The following SDK1 variants were observed in gnomAD, a reference collection of about 807,000 sequenced individuals.
SDK1 encodes sidekick cell adhesion molecule 1, also known as protein sidekick-1.
SDK1 carries 157 observed loss-of-function variants against 245.5 expected under a neutral mutation model. That is an observed-to-expected ratio of 0.64 (90% confidence interval 0.56 to 0.73). The LOEUF is 0.73. Ranked by LOEUF, SDK1 falls within the 30% of genes least tolerant of loss-of-function variation. The pLI, the probability that SDK1 is intolerant of heterozygous loss-of-function variation, is 0.00. For synonymous variants in SDK1, 1,647 were observed against 1,278.5 expected, an observed-to-expected ratio of 1.29 and a Z score of -6.15; for missense variants, 3,583 against 3,002.3, an observed-to-expected ratio of 1.19 and a Z score of -4.52.
At chr7:3,472,538 C>G (rs938886894) in intron 1 of SDK1, among the ~76,000 whole-genome samples, 1 of 152,074 alleles carries the variant, frequency 6.6e-6, no homozygotes, top group Non-Finnish European at 1.5e-5. Context: ...ATGGGTGTAT[C>G]TTAATAGAAT....
intron 35 of SDK1, among the ~76,000 whole-genome samples, chr7:4,202,841 A>C (rs903341958): frequency 3.3e-5 from 5 of 152,136 alleles, no homozygotes; most frequent in African/African-American, 9.7e-5. Flanking sequence ...CTAAACCCTG[A>C]GGTGAGGGGG....
Position 3,952,407 on chromosome 7 carries a change from C to T in SDK1, c.1150+487C>T, listed in dbSNP as rs540485692. Among the ~76,000 whole-genome samples the T allele has an allele frequency of 5.3e-5, 8 of 152,172 alleles. No individual in the cohort carries two copies. In the East Asian group the frequency reaches 1.4e-3, roughly 26 times the overall value. On this transcript the variant is annotated intron_variant, in intron 7 of 44. Coordinates refer to ENST00000404826, the MANE Select transcript of SDK1 (RefSeq NM_152744.4). Reference sequence around the variant, plus strand: ...CAGCCTGGCCAACATGGTGAAATCCCGCCCGTCTCTACTAAAAATACAAAC... The same window carrying T: ...CAGCCTGGCCAACATGGTGAAATCCTGCCCGTCTCTACTAAAAATACAAAC...
rs376897506 is a variant in SDK1, at chr7:3,972,241, G to A, written c.1817+673G>A. ...ACTACAAGTGCCTGCCACCACTCCC[G>A]GCTATTTTTTTGTATTTTTAGTAGA... On this transcript the variant is annotated intron_variant, in intron 12 of 44. Transcript: ENST00000404826. Among the ~76,000 whole-genome samples the A allele has an allele frequency of 1.3e-3, 204 of 151,994 alleles. 3 individuals carry two copies. In the South Asian group the frequency reaches 0.017, roughly 13 times the overall value.
Position 3,969,253 on chromosome 7 carries a change from T to G in SDK1, c.1547-4T>G, listed in dbSNP as rs1188328706. On this transcript the variant is annotated splice_region_variant and splice_polypyrimidine_tract_variant and intron_variant, in intron 10 of 44. Coordinates refer to ENST00000404826, the MANE Select transcript of SDK1 (RefSeq NM_152744.4). ...ACATGCCTCTTTTCTCCACTGTTCT[T>G]TAGAAAACCACATTCTGGCCAGTGG... 1.3e-6 allele frequency: 2 copies of G among 1,591,728 alleles called. No homozygotes were observed. The highest frequency in any genetic ancestry group is 1.3e-5 in the African/African-American group (1 of 74,204).
intron 1 of SDK1, among the ~76,000 whole-genome samples, chr7:3,502,230 TTTAA>T (rs917433938): frequency 5.1e-4 from 78 of 151,930 alleles, no homozygotes; most frequent in African/African-American, 1.5e-3. Flanking sequence ...AAGATTTTTT[TTTAA>T]TTAATTAATT....
At chr7:3,693,763 C>T (rs1341868240) in intron 4 of SDK1, among the ~76,000 whole-genome samples, 2 of 152,150 alleles carry the variant, frequency 1.3e-5, no homozygotes, top group African/African-American at 2.4e-5. Context: ...GTTATAGCCT[C>T]TAGATTCTGG....
chr7:3,400,324 A>G (rs1778855796), intron 1 of SDK1, among the ~76,000 whole-genome samples: 1 of 152,148 alleles, frequency 6.6e-6, no homozygotes, highest in East Asian at 1.9e-4. Context: ...AGAATTTTCA[A>G]AAAAGTTGAT....
intron 20 of SDK1, among the ~76,000 whole-genome samples, chr7:4,075,132 C>T (rs1780576204): frequency 6.6e-6 from 1 of 151,526 alleles, no homozygotes; most frequent in African/African-American, 2.4e-5. Flanking sequence ...CAGGCAGCAC[C>T]ACTTGGTGAC....
intron 1 of SDK1, among the ~76,000 whole-genome samples, chr7:3,527,605 AGATGAGGTTGGATGATAGTCAGCTAGGG>A (rs1783187368): frequency 6.6e-6 from 1 of 152,004 alleles, no homozygotes; most frequent in African/African-American, 2.4e-5. Flanking sequence ...GAGTGGTAGG[AGATGAGGTTGGATGATAGTCAGCTAGGG>A]GGTGAGTGGT....
intron 4 of SDK1, among the ~76,000 whole-genome samples, chr7:3,701,554 G>C (rs1327291747): frequency 6.6e-6 from 1 of 152,074 alleles, no homozygotes; most frequent in Non-Finnish European, 1.5e-5. Flanking sequence ...AGCTATGATC[G>C]TGCTACAGTG....
intron 4 of SDK1, among the ~76,000 whole-genome samples, chr7:3,733,285 A>G (rs1468993600): frequency 6.6e-6 from 1 of 152,232 alleles, no homozygotes; most frequent in Admixed American, 6.5e-5. Flanking sequence ...TTGCAGGATG[A>G]CATGGAAACA....
chr7:4,225,682 A>G (rs904842136), intron 40 of SDK1, among the ~76,000 whole-genome samples: 9 of 152,118 alleles, frequency 5.9e-5, no homozygotes, highest in African/African-American at 2.2e-4. Flanking sequence ...AGGGCTTCAC[A>G]CTGGGCCCAC....
intron 1 of SDK1, among the ~76,000 whole-genome samples, chr7:3,554,232 A>G (rs1056110356): frequency 6.6e-6 from 1 of 152,142 alleles, no homozygotes; most frequent in Admixed American, 6.6e-5. Flanking sequence ...TAAACAACCA[A>G]ACTCATGCGG....
intron 4 of SDK1, among the ~76,000 whole-genome samples, chr7:3,667,393 C>T (rs1316797886): frequency 6.6e-6 from 1 of 152,138 alleles, no homozygotes; most frequent in Non-Finnish European, 1.5e-5. Context: ...GAAAAGTCTT[C>T]CTCCCAACCT....
chr7:3,541,170 G>A (rs549392299), intron 1 of SDK1, among the ~76,000 whole-genome samples: 1 of 152,198 alleles, frequency 6.6e-6, no homozygotes, highest in African/African-American at 2.4e-5. Flanking sequence ...ACTATATCCT[G>A]TCTAAGGCAG....
chr7:4,219,671 C>T (rs986855005), intron 38 of SDK1, among the ~76,000 whole-genome samples: 3 of 152,152 alleles, frequency 2.0e-5, no homozygotes, highest in African/African-American at 7.2e-5. Context: ...CACTCCCCTC[C>T]CTCGTGACTA....
chr7:3,386,058 G>A (rs1781602791), intron 1 of SDK1, among the ~76,000 whole-genome samples: 1 of 151,954 alleles, frequency 6.6e-6, no homozygotes, highest in Admixed American at 6.6e-5. Flanking sequence ...AATAAACGAT[G>A]GGAAAATGTT....
At chr7:4,042,659 G>GCCAACCCCC (rs1788717136) in intron 17 of SDK1, among the ~76,000 whole-genome samples, 1 of 91,764 alleles carries the variant, frequency 1.1e-5, no homozygotes, top group Non-Finnish European at 2.0e-5. Context: ...GGCTTAGTCT[G>GCCAACCCCC]AGCAGCGGGA....
intron 1 of SDK1, among the ~76,000 whole-genome samples, chr7:3,336,252 C>A (rs1780197160): frequency 1.3e-5 from 2 of 152,172 alleles, no homozygotes; most frequent in Non-Finnish European, 2.9e-5. Context: ...AGGCTGAAGG[C>A]ATGCCTGAGC....
Sources: allele counts gnomAD v4.1 joint callset (sites outside exome capture counted in the v4.1 genomes callset), GRCh38; gene constraint gnomAD v4.1.1; transcripts MANE v1.5; gene names NCBI Gene and HGNC (gene_info 2026-07-23, HGNC 2026-07-21).